The following DSC3 variants were observed in gnomAD, a reference collection of about 807,000 sequenced individuals.
DSC3 encodes desmocollin-3.
In DSC3, 97 loss-of-function variants were observed where a neutral mutation model predicts 89.5. That is an observed-to-expected ratio of 1.08 (90% CI 0.92 to 1.28). The LOEUF (loss-of-function observed/expected upper bound fraction) is 1.28, where lower values mean the gene tolerates loss of function less well. Among genes scored for constraint, DSC3 ranks in the 50% most tolerant of loss-of-function variants. The pLI, the probability that DSC3 is intolerant of heterozygous loss-of-function variation, is 0.00. For missense variants in DSC3, 1,199 were observed against 1,085.3 expected (o/e 1.10, Z -1.47); for synonymous variants, 436 against 384.1 (o/e 1.14, Z -1.58).
intron 14 of DSC3, among the ~76,000 whole-genome samples, chr18:31,000,773 T>C (rs2144679345): frequency 6.6e-6 from 1 of 152,222 alleles, no homozygotes; most frequent in Admixed American, 6.5e-5. Context: ...AAGTAAGCTG[T>C]ACCTCTTGTC....
chr18:31,006,292 G>GTATTATTATTATTATTATTAT (rs138302615), intron 12 of DSC3, among the ~76,000 whole-genome samples: 2,483 of 149,842 alleles, frequency 0.017, 20 homozygotes, highest in South Asian at 0.028. Flanking sequence ...CACCTCGCTG[G>GTATTATTATTATTATTATTAT]TATTATTATT....
intron 11 of DSC3, 97 bp from the exon 12 acceptor site, chr18:31,007,228 T>C: frequency 1.3e-6 from 1 of 775,144 alleles, no homozygotes; most frequent in Non-Finnish European, 2.1e-6. Context: ...TGATCTGTTT[T>C]TAAATAAACT....
intron 14 of DSC3, among the ~76,000 whole-genome samples, chr18:30,999,802 T>C (rs1984591627): frequency 6.6e-6 from 1 of 152,202 alleles, no homozygotes; most frequent in Admixed American, 6.5e-5. Flanking sequence ...TTTTACTCAT[T>C]GTATTAAAGC....
rs1201748858 is a variant in DSC3 at position 31,018,719 on chromosome 18, T to C, written c.1024A>G (p.Ile342Val). Residue 342 changes from isoleucine (I) to valine (V), a missense_variant, in exon 8 of 16, where the codon ATC becomes GTC. By Grantham distance (29) the Ile-to-Val change is conservative (BLOSUM62 3). Transcript: ENST00000360428. Reference protein sequence around the residue: ...FFGLIGTSTCIITVTDSNDNA... With the variant: ...FFGLIGTSTCVITVTDSNDNA... The stretch of plus-strand genomic sequence containing the variant: ...TCATTTGAATCTGTTACTGTTATGA[T>C]ACAAGTTGATGTGCCTATCAATCCA... 4 of 1,613,590 alleles carry C rather than the reference T, an allele frequency of 2.5e-6. No homozygotes were observed. Among genetic ancestry groups the C allele is most frequent in the Non-Finnish European group, 3.4e-6 (4 of 1,179,856 alleles).
rs1984368945 is a variant in DSC3 at position 30,994,132 on chromosome 18, C to A, written c.*43G>T. Reference sequence around the variant, plus strand: ...AACTTTACAATATTATTTTTGGAAACCTCCAGAATGTCTGACAAAGACCTA... The same window carrying A: ...AACTTTACAATATTATTTTTGGAAAACTCCAGAATGTCTGACAAAGACCTA... On this transcript the variant is annotated 3_prime_UTR_variant, in exon 16 of 16. Transcript: ENST00000360428. The A allele has an allele frequency of 3.2e-6, 5 of 1,581,054 alleles. No individual in the cohort carries two copies. Among genetic ancestry groups the A allele is most frequent in the Admixed American group, 1.7e-5 (1 of 59,858 alleles).
chr18:31,017,645 G>A (rs1985279372), intron 9 of DSC3, among the ~76,000 whole-genome samples: 1 of 152,134 alleles, frequency 6.6e-6, no homozygotes, highest in Admixed American at 6.6e-5. Context: ...TTAAGAAATT[G>A]AGAATATTTA....
At chr18:31,033,276 G>T (rs1388310528) in intron 1 of DSC3, among the ~76,000 whole-genome samples, 1 of 151,778 alleles carries the variant, frequency 6.6e-6, no homozygotes, top group Non-Finnish European at 1.5e-5. Context: ...TGAAGAAATT[G>T]AAAATTAATC....
chr18:31,001,863 G>C, intron 13 of DSC3, 124 bp from the exon 14 acceptor site: 1 of 751,252 alleles, frequency 1.3e-6, no homozygotes, highest in Non-Finnish European at 2.0e-6. Context: ...GGTTTCCCAT[G>C]AATTATCTTG....
At chr18:31,006,133 C>G (rs971755958) in intron 12 of DSC3, among the ~76,000 whole-genome samples, 4 of 152,046 alleles carry the variant, frequency 2.6e-5, no homozygotes, top group African/African-American at 9.7e-5. Context: ...TAGGCAGCAG[C>G]CCCTCAATAC....
At position 31,024,459 on chromosome 18, in the gene DSC3, G is replaced by A. The variant is rs1243357156; in HGVS notation, c.665C>T (p.Ser222Leu). 1 of 1,612,766 alleles carries A rather than the reference G, an allele frequency of 6.2e-7. No individual in the cohort carries two copies. The highest frequency in any genetic ancestry group is 1.1e-5 in the South Asian group (1 of 90,880). ...IAYASTADGY[S>L]ADLPLPLPIR... ...GGGTAGTGGGAGGGGCAGATCTGCT[G>A]AATATCCATCTGCAGTTGACGCATA... The change falls in exon 6 of 16, where the codon TCA (serine) becomes TTA (leucine). Residue 222 changes from serine (S) to leucine (L), a missense_variant. Physicochemically the swap from Ser to Leu is moderately radical, Grantham distance 145. Transcript: ENST00000360428.
chr18:31,027,670 T>A (rs899250736), intron 4 of DSC3, among the ~76,000 whole-genome samples: 1 of 152,128 alleles, frequency 6.6e-6, no homozygotes, highest in South Asian at 2.1e-4. Context: ...ACTGTGCCAG[T>A]GGCACTTTGG....
chr18:31,014,959 A>C (rs1985186750), intron 9 of DSC3, among the ~76,000 whole-genome samples: 1 of 152,076 alleles, frequency 6.6e-6, no homozygotes. Context: ...ATCAATGTAA[A>C]ATAGGGATAA....
At position 31,006,999 on chromosome 18, in the gene DSC3, G is replaced by T; in HGVS notation, c.1796C>A (p.Pro599His). ...MGYTDILAVD[P>H]DEPVHGAPFY... Reference sequence around the variant, plus strand: ...TGGAGCTCCATGGACAGGTTCATCAGGATCAACAGCTAAAATGTCGGTATA... The same window carrying T: ...TGGAGCTCCATGGACAGGTTCATCATGATCAACAGCTAAAATGTCGGTATA... The change falls in exon 12 of 16, where the codon CCT becomes CAT. Residue 599 changes from proline to histidine, a missense_variant. Transcript: ENST00000360428. 6.2e-7 allele frequency: 1 copy of T among 1,613,880 alleles called. No individual in the cohort carries two copies. Among genetic ancestry groups the T allele is most frequent in the Non-Finnish European group, 8.5e-7 (1 of 1,179,918 alleles).
chr18:31,020,347 G>A (rs1341645890), intron 7 of DSC3, among the ~76,000 whole-genome samples: 1 of 152,118 alleles, frequency 6.6e-6, no homozygotes, highest in African/African-American at 2.4e-5. Context: ...ACACTAAAAA[G>A]GAAAGATCAG....
At chr18:31,024,145 A>G (rs1442080790) in intron 6 of DSC3, among the ~76,000 whole-genome samples, 1 of 152,158 alleles carries the variant, frequency 6.6e-6, no homozygotes, top group Non-Finnish European at 1.5e-5. Flanking sequence ...TTAGTATCAT[A>G]TTGACAATGA....
chr18:31,041,571 C>A (rs138858591), intron 1 of DSC3, among the ~76,000 whole-genome samples: 1 of 152,280 alleles, frequency 6.6e-6, no homozygotes, highest in African/African-American at 2.4e-5. Context: ...AGACCTCGCT[C>A]CCATCGGACC....
At chr18:31,010,594 T>C (rs1985024953) in intron 9 of DSC3, among the ~76,000 whole-genome samples, 1 of 152,210 alleles carries the variant, frequency 6.6e-6, no homozygotes, top group Non-Finnish European at 1.5e-5. Flanking sequence ...CTGTAAATTC[T>C]CTTCCACCTC....
chr18:31,000,219 A>G (rs1203072540), intron 14 of DSC3, among the ~76,000 whole-genome samples: 3 of 152,264 alleles, frequency 2.0e-5, no homozygotes, highest in South Asian at 2.1e-4. Flanking sequence ...GTCCCTGGCT[A>G]TAGCCTCTGC....
rs959854931 is a variant in DSC3 at position 31,001,490 on chromosome 18, C to A, written c.2235+128G>T. 40 of 1,050,752 alleles carry A rather than the reference C, an allele frequency of 3.8e-5. 1 individual carries two copies. In the African/African-American group the frequency reaches 6.1e-4, roughly 16 times the overall value. 65.1% of individuals were successfully genotyped at this position (1,050,752 alleles called of 1,614,324 possible). A position where few individuals can be genotyped will look rare whatever the true frequency, so the allele number is the denominator to read the frequency against. ...ATATAAACATATGAATATTGACAGA[C>A]AATATCTATGCCTATGAAATCTGAT... is the stretch of plus-strand genomic sequence containing the variant. On this transcript the variant is annotated intron_variant, in intron 14 of 15. Transcript: ENST00000360428.
Sources: allele counts gnomAD v4.1 joint callset (sites outside exome capture counted in the v4.1 genomes callset), GRCh38; gene constraint gnomAD v4.1.1; transcripts MANE v1.5; gene names NCBI Gene and HGNC (gene_info 2026-07-23, HGNC 2026-07-21).